Variants in LPO observed in about 807,000 individuals in gnomAD.
LPO encodes lactoperoxidase, also known as salivary peroxidase.
LPO carries 70 observed loss-of-function variants against 68.4 expected under a neutral mutation model. The observed-to-expected ratio is 1.02, with a 90% confidence interval of 0.84 to 1.25. The LOEUF (loss-of-function observed/expected upper bound fraction) is 1.25, where lower values mean the gene tolerates loss of function less well. Among genes scored for constraint, LPO ranks in the 50% most tolerant of loss-of-function variants. The probability of loss-of-function intolerance (pLI) is 0.00; values close to 1 mark genes in which losing one functional copy is unlikely to be tolerated. For synonymous variants in LPO, 360 were observed against 357.6 expected (o/e 1.01, Z -0.08); for missense variants, 873 against 908.4 (o/e 0.96, Z 0.50).
intron 4 of LPO, 116 bp from the exon 5 acceptor site, chr17:58,248,944 A>G (rs1477455359): frequency 2.5e-6 from 2 of 788,930 alleles, no homozygotes; most frequent in African/African-American, 3.4e-5. Flanking sequence ...ACGCTTACTT[A>G]GAATGGAATG....
chr17:58,249,520 C>A (rs748110269), intron 5 of LPO, 46 bp from the exon 6 acceptor site: 2 of 1,587,562 alleles, frequency 1.3e-6, no homozygotes, highest in Admixed American at 3.5e-5. Context: ...CTTTGGAGCC[C>A]CGGAGCCGGC....
At chr17:58,252,137 G>T (rs1243430865) in intron 7 of LPO, 45 bp from the exon 8 acceptor site, 1 of 1,581,224 alleles carries the variant, frequency 6.3e-7, no homozygotes, top group African/African-American at 1.3e-5. Context: ...CCAGGACCCA[G>T]CTGTTCCACC....
rs969275777 is a variant in LPO at position 58,238,717 on chromosome 17, T to A, written c.-25T>A. 1 of 152,120 alleles carries A rather than the reference T, an allele frequency of 6.6e-6. No individual in the cohort carries two copies. Among genetic ancestry groups the A allele is most frequent in the Non-Finnish European group, 1.5e-5 (1 of 68,020 alleles). The allele number at this position is 152,120 out of a possible 1,614,324, so 9.4% of individuals were successfully genotyped here. A position where few individuals can be genotyped will look rare whatever the true frequency, so the allele number is the denominator to read the frequency against. ...AAGCAGAGCAACTCCCTGGCTGCCG[T>A]GAAAAGACAAGGCACTGGGCAGGTA... On this transcript the variant is annotated 5_prime_UTR_variant, in exon 1 of 13. Coordinates refer to ENST00000262290, the MANE Select transcript of LPO (RefSeq NM_006151.3).
intron 9 of LPO, among the ~76,000 whole-genome samples, chr17:58,261,911 A>T (rs556377428): frequency 1.3e-5 from 2 of 152,348 alleles, no homozygotes; most frequent in South Asian, 4.1e-4. Flanking sequence ...TTATCATTTC[A>T]AGTGACATGT....
intron 3 of LPO, 188 bp downstream of exon 3, chr17:58,244,269 C>A: frequency 1.6e-6 from 1 of 607,524 alleles, no homozygotes; most frequent in East Asian, 2.8e-5. Flanking sequence ...CAATAGCCCA[C>A]AATTCCTAAA....
chr17:58,250,824 C>T, intron 7 of LPO: 3 of 588,432 alleles, frequency 5.1e-6, no homozygotes, highest in South Asian at 4.0e-5. Flanking sequence ...GTGCACTAAG[C>T]GCTGAGGATT....
chr17:58,264,832 C>T lies in LPO; in HGVS notation c.1377C>T (p.Val459=). ...SESVDPRISN[V]FTFAFRFGHL... ...CTGTGGATCCCAGAATTTCCAATGT[C>T]TTCACCTTCGCCTTCCGCTTTGGCC... The change falls in exon 10 of 13, where the codon GTC becomes GTT. Residue 459 remains valine (V), a synonymous_variant. Coordinates refer to ENST00000262290, the MANE Select transcript of LPO (RefSeq NM_006151.3). 1 of 1,614,226 alleles carries T rather than the reference C, an allele frequency of 6.2e-7. No individual in the cohort carries two copies.
At position 58,245,800 on chromosome 17, in the gene LPO, G is replaced by A. The variant is rs533750319; in HGVS notation, c.165-1678G>A. On this transcript the variant is annotated intron_variant, in intron 3 of 12. Coordinates refer to ENST00000262290, the MANE Select transcript of LPO (RefSeq NM_006151.3). ...TGTCTCCAAAGGAAAATTCTCTCTCGCTCCTCAAATTCAATCCCTTTATAG... is the reference window on the plus strand; with the variant it reads ...TGTCTCCAAAGGAAAATTCTCTCTCACTCCTCAAATTCAATCCCTTTATAG... 6.1e-4 allele frequency among the ~76,000 whole-genome samples: 93 copies of A among 152,210 alleles called. 1 individual carries two copies. Among genetic ancestry groups the A allele is most frequent in the African/African-American group, 2.1e-3 (86 of 41,520 alleles).
At position 58,242,967 on chromosome 17, in the gene LPO, T is replaced by A. The variant is rs768711828; in HGVS notation, c.-2-11T>A. ...GAGAGGCTCACAGTGTGATCCTGCATCTCGTTTCAGTGATGAGGGTCCTTC... is the reference window on the plus strand; with the variant it reads ...GAGAGGCTCACAGTGTGATCCTGCAACTCGTTTCAGTGATGAGGGTCCTTC... On this transcript the variant is annotated splice_polypyrimidine_tract_variant and intron_variant, in intron 1 of 12. Coordinates refer to ENST00000262290, the MANE Select transcript of LPO (RefSeq NM_006151.3). The A allele has an allele frequency of 6.2e-7, 1 of 1,613,486 alleles. No homozygotes were observed. Among genetic ancestry groups the A allele is most frequent in the African/African-American group, 1.3e-5 (1 of 74,916 alleles).
Position 58,257,561 on chromosome 17 carries a change from T to C in LPO, c.1266+2590T>C, listed in dbSNP as rs866962984. 2.0e-5 allele frequency among the ~76,000 whole-genome samples: 3 copies of C among 152,362 alleles called. No individual in the cohort carries two copies. In the South Asian group the frequency reaches 6.2e-4, roughly 32 times the overall value. ...TCATCTGTTGATGGACACAAGTTGC[T>C]TTCAAATCTTAGCTATTGTAAACAG... On this transcript the variant is annotated intron_variant, in intron 9 of 12. Transcript: ENST00000262290.
At chr17:58,262,174 C>A (rs1451184573) in intron 9 of LPO, among the ~76,000 whole-genome samples, 1 of 152,150 alleles carries the variant, frequency 6.6e-6, no homozygotes, top group Non-Finnish European at 1.5e-5. Flanking sequence ...TTTCCTTTAG[C>A]CATTGTTTAA....
At chr17:58,254,600 C>T (rs8178351) in intron 8 of LPO, 54 of 478,166 alleles carry the variant, frequency 1.1e-4, no homozygotes, top group African/African-American at 1.0e-3. Flanking sequence ...TCCAAGGTCA[C>T]ACAGCTAAAA....
At chr17:58,254,788 C>T (rs560392839) in intron 8 of LPO, 23 bp from the exon 9 acceptor site, 1 of 1,612,770 alleles carries the variant, frequency 6.2e-7, no homozygotes, top group African/African-American at 1.3e-5. Flanking sequence ...GAGAATCTAC[C>T]TTCCTGCCTT....
Position 58,244,023 on chromosome 17 carries a change from G to A in LPO, c.106G>A (p.Asp36Asn), listed in dbSNP as rs749769094. ...GACTACCAGAACCTCTGCCATCTCC[G>A]ATACTGTGAGTCAGGCCAAGGTCCA... ...AQTTRTSAIS[D>N]TVSQAKVQVN... Residue 36 changes from aspartate (D) to asparagine (N), a missense_variant, in exon 3 of 13, where the codon GAT becomes AAT. Asp to Asn is a conservative substitution (Grantham distance 23, BLOSUM62 1). Coordinates refer to ENST00000262290, the MANE Select transcript of LPO (RefSeq NM_006151.3). 2.2e-5 allele frequency: 35 copies of A among 1,613,154 alleles called. No homozygotes were observed. The South Asian group carries it at 2.9e-4, about 13-fold the overall frequency.
rs1970312498 is a variant in LPO at position 58,268,202 on chromosome 17, CTTT to C, written c.*209_*211del. On this transcript the variant is annotated 3_prime_UTR_variant, in exon 13 of 13. Transcript: ENST00000262290. ...TTACACTCAGCTCCAGTGGCTTCTCCTTTCTGTCAAGACTTAGCCCCGCTGAGA... is the reference window on the plus strand; with the variant it reads ...TTACACTCAGCTCCAGTGGCTTCTCCCTGTCAAGACTTAGCCCCGCTGAGA... 1.7e-6 allele frequency: 1 copy of C among 582,644 alleles called. No individual in the cohort carries two copies. The highest frequency in any genetic ancestry group is 3.1e-6 in the Non-Finnish European group (1 of 327,702). 36.1% of individuals were successfully genotyped at this position (582,644 alleles called of 1,614,324 possible).
Position 58,266,299 on chromosome 17 carries a change from C to T in LPO, c.1666C>T (p.Gln556Ter). The change falls in exon 11 of 13, where the codon CAG becomes TAG. Residue 556 changes from glutamine to a stop codon, truncating the protein, a stop_gained. Coordinates refer to ENST00000262290, the MANE Select transcript of LPO (RefSeq NM_006151.3). LOFTEE classifies it high-confidence loss of function. ...CTTTGACCTGGCTGCCATCAACACA[C>T]AGCGTTGCCGGGACCATGGGCAACC... Reference protein sequence around the residue: ...HGFDLAAINTQRCRDHGQPGY... With the variant: ...HGFDLAAINT The T allele has an allele frequency of 1.9e-6, 3 of 1,614,170 alleles. No homozygotes were observed. Among genetic ancestry groups the T allele is most frequent in the Non-Finnish European group, 2.5e-6 (3 of 1,180,038 alleles).
chr17:58,248,115 TA>T (rs1969885178), intron 4 of LPO, among the ~76,000 whole-genome samples: 1 of 152,082 alleles, frequency 6.6e-6, no homozygotes, highest in South Asian at 2.1e-4. Context: ...TAAGTGAACT[TA>T]ACTGATGGCT....
intron 8 of LPO, 197 bp from the exon 9 acceptor site, chr17:58,254,614 G>T: frequency 1.9e-6 from 1 of 531,344 alleles, no homozygotes. Context: ...GCTAAAAAGT[G>T]TGTATATAGA....
Position 58,250,570 on chromosome 17 carries a change from AG to A in LPO, c.730del (p.Ala244ProfsTer57). 6.2e-7 allele frequency: 1 copy of A among 1,614,090 alleles called. No homozygotes were observed. The highest frequency in any genetic ancestry group is 1.3e-5 in the African/African-American group (1 of 75,004). ...TELGSSEYSK[A>X]QCDEYCIQGD... ...AGCTGGGGAGTAGCGAGTACTCCAA[AG>A]CCCAGTGTGATGAGTACTGTATCCA... On this transcript the variant is annotated frameshift_variant, in exon 7 of 13. Transcript: ENST00000262290. LOFTEE classifies it high-confidence loss of function.
Sources: allele counts gnomAD v4.1 joint callset (sites outside exome capture counted in the v4.1 genomes callset), GRCh38; gene constraint gnomAD v4.1.1; transcripts MANE v1.5; gene names NCBI Gene and HGNC (gene_info 2026-07-23, HGNC 2026-07-21).